Variants in NRXN1 observed in about 807,000 individuals in gnomAD.
NRXN1 encodes the protein neurexin-1.
A neutral mutation model predicts 150.9 loss-of-function variants in NRXN1; 39 were observed. The observed-to-expected ratio is 0.26, with a 90% CI of 0.20 to 0.34. The LOEUF is 0.34. Ranked by LOEUF, NRXN1 falls within the 10% of genes least tolerant of loss-of-function variation. The pLI is 1.00. For missense variants in NRXN1, 1,815 were observed against 1,949.9 expected (o/e 0.93, Z 1.30); for synonymous variants, 924 against 757.0 (o/e 1.22, Z -3.62).
chr2:50,887,001 G>A (rs1234173775), intron 5 of NRXN1, among the ~76,000 whole-genome samples: 3 of 151,308 alleles, frequency 2.0e-5, no homozygotes, highest in Non-Finnish European at 4.4e-5. Flanking sequence ...AAATTTGGAT[G>A]AGAACTACAA....
chr2:49,930,499 T>C (rs1669946716), intron 22 of NRXN1, among the ~76,000 whole-genome samples: 1 of 152,244 alleles, frequency 6.6e-6, no homozygotes, highest in Admixed American at 6.5e-5. Context: ...TAATAATTAT[T>C]TGATTGTTAT....
At chr2:50,889,113 A>G (rs1388584329) in intron 5 of NRXN1, among the ~76,000 whole-genome samples, 2 of 151,702 alleles carry the variant, frequency 1.3e-5, no homozygotes, top group Non-Finnish European at 1.5e-5. Flanking sequence ...TCAGCAAAAA[A>G]GATTCGGTTT....
At chr2:50,800,304 A>C (rs941014498) in intron 5 of NRXN1, among the ~76,000 whole-genome samples, 38 of 152,178 alleles carry the variant, frequency 2.5e-4, no homozygotes, top group African/African-American at 8.9e-4. Context: ...TCCCGTCTCA[A>C]ATCATCCTCT....
chr2:50,795,541 C>T (rs564688804), intron 5 of NRXN1, among the ~76,000 whole-genome samples: 1 of 151,884 alleles, frequency 6.6e-6, no homozygotes, highest in African/African-American at 2.4e-5. Context: ...TCTTTCTTCT[C>T]TCCCTCTTTC....
chr2:50,719,322 A>G (rs535211002), intron 5 of NRXN1, among the ~76,000 whole-genome samples: 1 of 152,024 alleles, frequency 6.6e-6, no homozygotes, highest in African/African-American at 2.4e-5. Flanking sequence ...ATTCAAGCAA[A>G]AAATTAAAAA....
At chr2:49,955,216 C>A (rs1166828783) in intron 21 of NRXN1, among the ~76,000 whole-genome samples, 2 of 151,978 alleles carry the variant, frequency 1.3e-5, no homozygotes, top group Non-Finnish European at 2.9e-5. Context: ...CTCATTTATA[C>A]CAGCTAATTA....
chr2:50,694,765 A>G (rs1256585444), intron 5 of NRXN1, among the ~76,000 whole-genome samples: 2 of 152,216 alleles, frequency 1.3e-5, no homozygotes, highest in African/African-American at 2.4e-5. Flanking sequence ...TTTATCCCCA[A>G]TATTCATATT....
At chr2:50,798,021 T>G (rs1707088965) in intron 5 of NRXN1, among the ~76,000 whole-genome samples, 1 of 152,184 alleles carries the variant, frequency 6.6e-6, no homozygotes, top group African/African-American at 2.4e-5. Context: ...TGGTAGAAAT[T>G]GTATGCTAAA....
chr2:50,728,704 C>G (rs1559177048), intron 5 of NRXN1, among the ~76,000 whole-genome samples: 2 of 152,126 alleles, frequency 1.3e-5, no homozygotes, highest in African/African-American at 2.4e-5. Flanking sequence ...AGCAAAACAA[C>G]AGCTGAGCAC....
intron 5 of NRXN1, among the ~76,000 whole-genome samples, chr2:50,742,532 C>A (rs1432745804): frequency 6.8e-6 from 1 of 148,068 alleles, no homozygotes; most frequent in African/African-American, 2.5e-5. Context: ...CGTTTGAGCC[C>A]GGGAGGCGGA....
intron 5 of NRXN1, among the ~76,000 whole-genome samples, chr2:50,709,488 G>T (rs1351351762): frequency 6.6e-6 from 1 of 152,052 alleles, no homozygotes; most frequent in East Asian, 1.9e-4. Context: ...TGACAAGGGT[G>T]GCCATATAAC....
chr2:50,224,245 T>C (rs188311705), intron 18 of NRXN1, among the ~76,000 whole-genome samples: 5 of 152,132 alleles, frequency 3.3e-5, no homozygotes, highest in Admixed American at 2.6e-4. Context: ...AATGAAGCTT[T>C]GAAGTCATAT....
intron 21 of NRXN1, among the ~76,000 whole-genome samples, chr2:49,963,998 T>C (rs553173595): frequency 1.3e-5 from 2 of 152,282 alleles, no homozygotes; most frequent in Admixed American, 1.3e-4. Flanking sequence ...AGGCCACACC[T>C]CACAACACCT....
chr2:50,676,515 G>C (rs1319463695), intron 5 of NRXN1, among the ~76,000 whole-genome samples: 1 of 152,066 alleles, frequency 6.6e-6, no homozygotes, highest in Non-Finnish European at 1.5e-5. Flanking sequence ...TTCTCTTGGA[G>C]GCTCAATTTT....
At chr2:49,923,525 T>C (rs1668580137) in intron 22 of NRXN1, among the ~76,000 whole-genome samples, 1 of 152,192 alleles carries the variant, frequency 6.6e-6, no homozygotes, top group Non-Finnish European at 1.5e-5. Flanking sequence ...TGTTCATGTA[T>C]ATGTAAGAAC....
intron 2 of NRXN1, among the ~76,000 whole-genome samples, chr2:50,981,367 A>C (rs1696764909): frequency 7.0e-6 from 1 of 142,210 alleles, no homozygotes; most frequent in Non-Finnish European, 1.5e-5. Context: ...CTGAGGCAGG[A>C]GAGTTACTTG....
intron 5 of NRXN1, among the ~76,000 whole-genome samples, chr2:50,693,064 G>A (rs1280487323): frequency 6.6e-6 from 1 of 152,116 alleles, no homozygotes; most frequent in Non-Finnish European, 1.5e-5. Context: ...GAAACTTACT[G>A]TAAGCCCTAC....
chr2:50,195,373 A>G lies in NRXN1; in HGVS notation c.3546+41416T>C, dbSNP rs552388232. 2.6e-5 allele frequency among the ~76,000 whole-genome samples: 4 copies of G among 152,226 alleles called. No individual in the cohort carries two copies. In the South Asian group the frequency reaches 8.3e-4, roughly 32 times the overall value. On this transcript the variant is annotated intron_variant, in intron 18 of 22. Transcript: ENST00000401669. ...GTTGCTTCATGCATGATCTTTACTC[A>G]TGATCTCACAAACTATAGTGCTTCA...
At chr2:50,789,470 C>T (rs1483454865) in intron 5 of NRXN1, among the ~76,000 whole-genome samples, 1 of 152,136 alleles carries the variant, frequency 6.6e-6, no homozygotes, top group East Asian at 1.9e-4. Context: ...TAAAATATTG[C>T]TTCATGCTAT....
Sources: allele counts gnomAD v4.1 joint callset (sites outside exome capture counted in the v4.1 genomes callset), GRCh38; gene constraint gnomAD v4.1.1; transcripts MANE v1.5; gene names NCBI Gene and HGNC (gene_info 2026-07-23, HGNC 2026-07-21).